FXR1: variants seen among roughly 807,000 people sequenced by gnomAD.
FXR1 encodes FMR1 autosomal homolog 1, also known as RNA-binding protein FXR1.
FXR1 carries 15 observed loss-of-function variants against 84.0 expected under a neutral mutation model. The observed-to-expected ratio is 0.18, with a 90% CI of 0.12 to 0.27. The LOEUF is 0.27. Among genes scored for constraint, FXR1 ranks in the 10% least tolerant of loss-of-function variants. FXR1 has a pLI of 1.00. For missense variants in FXR1, 480 were observed against 774.4 expected, an observed-to-expected ratio of 0.62 and a Z score of 4.51; for synonymous variants, 245 against 250.7, an observed-to-expected ratio of 0.98 and a Z score of 0.21.
intron 1 of FXR1, among the ~76,000 whole-genome samples, chr3:180,923,025 G>A (rs1248830487): frequency 6.6e-6 from 1 of 152,082 alleles, no homozygotes; most frequent in East Asian, 1.9e-4. Flanking sequence ...TCCTGGTTAA[G>A]ACAGTCTGTG....
intron 1 of FXR1, among the ~76,000 whole-genome samples, chr3:180,928,091 A>T (rs532792210): frequency 1.9e-4 from 27 of 143,784 alleles, no homozygotes; most frequent in African/African-American, 6.6e-4. Flanking sequence ...ATTGTTACTG[A>T]TTTTTTTTTG....
At chr3:180,915,001 T>C in intron 1 of FXR1, 1 of 824,696 alleles carries the variant, frequency 1.2e-6, no homozygotes, top group Non-Finnish European at 1.5e-6. Flanking sequence ...TCTAGGTCTG[T>C]ACTTCACCTT....
Position 180,977,650 on chromosome 3 carries a change from A to G in FXR1, c.*1358A>G, listed in dbSNP as rs2108501257. ...AGTACAGCTAATTGTGAGGTCAAGT[A>G]ATTGTTAGACATAGGGGAAGGCTTT... On this transcript the variant is annotated 3_prime_UTR_variant, in exon 17 of 17. Coordinates refer to ENST00000357559, the MANE Select transcript of FXR1 (RefSeq NM_005087.4). 1 of 152,268 alleles carries G rather than the reference A, an allele frequency of 6.6e-6. No homozygotes were observed. The highest frequency in any genetic ancestry group is 2.4e-5 in the African/African-American group (1 of 41,584). 9.4% of individuals were successfully genotyped at this position (152,268 alleles called of 1,614,324 possible).
chr3:180,935,113 TA>T, intron 2 of FXR1, 24 bp from the exon 3 acceptor site: 1 of 1,138,264 alleles, frequency 8.8e-7, no homozygotes, highest in East Asian at 2.3e-5. Context: ...TTTAAGTTGT[TA>T]ATACACCTTT....
At chr3:180,934,880 T>A (rs1223928798) in intron 2 of FXR1, among the ~76,000 whole-genome samples, 1 of 152,190 alleles carries the variant, frequency 6.6e-6, no homozygotes, top group Non-Finnish European at 1.5e-5. Flanking sequence ...TTTGGGAGAA[T>A]GTGTACTGCT....
chr3:180,942,341 G>A (rs1721217586), intron 3 of FXR1, among the ~76,000 whole-genome samples: 1 of 120,490 alleles, frequency 8.3e-6, no homozygotes, highest in South Asian at 2.8e-4. Flanking sequence ...TTGCGCCACT[G>A]CACTCCAGCC....
intron 11 of FXR1, among the ~76,000 whole-genome samples, chr3:180,962,256 A>C (rs1024098113): frequency 2.0e-5 from 3 of 151,906 alleles, no homozygotes; most frequent in African/African-American, 4.8e-5. Flanking sequence ...TTTTGAGATC[A>C]CTCTGATAAT....
chr3:180,978,793 G>A lies in FXR1; in HGVS notation c.*2501G>A, dbSNP rs939335747. Reference sequence around the variant, plus strand: ...GTGAATTCATATATGACACCTGAACGGAATCATGAAGTAACAGCTGAGATT... The same window carrying A: ...GTGAATTCATATATGACACCTGAACAGAATCATGAAGTAACAGCTGAGATT... On this transcript the variant is annotated 3_prime_UTR_variant, in exon 17 of 17. Transcript: ENST00000357559. The A allele has an allele frequency of 2.6e-5, 4 of 151,988 alleles. No individual in the cohort carries two copies. The highest frequency in any genetic ancestry group is 4.4e-5 in the Non-Finnish European group (3 of 67,954). 9.4% of individuals were successfully genotyped at this position (151,988 alleles called of 1,614,324 possible).
At chr3:180,926,491 TATATATATATATATA>T (rs935428979) in intron 1 of FXR1, among the ~76,000 whole-genome samples, 1 of 103,504 alleles carries the variant, frequency 9.7e-6, no homozygotes, top group Non-Finnish European at 1.8e-5. Context: ...TATATATATA[TATATATATATATATA>T]TTTTTTTTTC....
At chr3:180,926,297 G>T (rs1719169528) in intron 1 of FXR1, among the ~76,000 whole-genome samples, 1 of 151,946 alleles carries the variant, frequency 6.6e-6, no homozygotes, top group Non-Finnish European at 1.5e-5. Context: ...AAGCAGTAAT[G>T]TGCGTCTGAT....
In FXR1 at chr3:180,932,107, G is replaced by T. The variant is rs1469238968; in HGVS notation, c.52-1227G>T. On this transcript the variant is annotated intron_variant, in intron 1 of 16. Transcript: ENST00000357559. The stretch of plus-strand genomic sequence containing the variant: ...AAAAAAAAACAACTTTTTTGTTGTT[G>T]TAAGTTGCCTTTTCCCTTTATTCTC... Among the ~76,000 whole-genome samples, 81 of 75,622 alleles carry T rather than the reference G, an allele frequency of 1.1e-3. 2 individuals are homozygous for T. The highest frequency in any genetic ancestry group is 5.1e-4 in the East Asian group (1 of 1,964). 49.6% of individuals were successfully genotyped at this position (75,622 alleles called of 152,430 possible).
intron 1 of FXR1, among the ~76,000 whole-genome samples, chr3:180,928,972 G>C (rs897246329): frequency 6.6e-6 from 1 of 151,810 alleles, no homozygotes; most frequent in African/African-American, 2.4e-5. Flanking sequence ...GCCTAGGCTG[G>C]AGTGCAATGC....
At chr3:180,933,018 T>G in intron 1 of FXR1, 1 of 245,794 alleles carries the variant, frequency 4.1e-6, no homozygotes, top group Non-Finnish European at 7.7e-6. Context: ...GTCACAGTAG[T>G]AAATACTGAA....
chr3:180,970,171 A>T lies in FXR1; in HGVS notation c.1416A>T (p.Pro472=). The change falls in exon 15 of 17, where the codon CCA becomes CCT. Residue 472 remains proline, a synonymous_variant. Coordinates refer to ENST00000357559, the MANE Select transcript of FXR1 (RefSeq NM_005087.4). ...ACATGAATATAGTGCTCAAAGATCC[A>T]GACAGCAATCCATACAGCTTACTTG... ...KSSISSVLKD[P]DSNPYSLLDN... 1 of 1,594,404 alleles carries T rather than the reference A, an allele frequency of 6.3e-7. No homozygotes were observed. Among genetic ancestry groups the T allele is most frequent in the Non-Finnish European group, 8.6e-7 (1 of 1,162,366 alleles).
intron 13 of FXR1, among the ~76,000 whole-genome samples, chr3:180,964,756 A>G (rs903927250): frequency 1.3e-5 from 2 of 150,286 alleles, no homozygotes; most frequent in South Asian, 2.1e-4. Flanking sequence ...ATTTCCCAGT[A>G]TAACATCTCT....
At chr3:180,926,745 A>G (rs1719275443) in intron 1 of FXR1, among the ~76,000 whole-genome samples, 1 of 151,852 alleles carries the variant, frequency 6.6e-6, no homozygotes, top group Admixed American at 6.6e-5. Flanking sequence ...ACTCCTTTAT[A>G]AAGTTTGTTT....
chr3:180,940,831 C>T (rs1199508783), intron 3 of FXR1, among the ~76,000 whole-genome samples: 1 of 152,196 alleles, frequency 6.6e-6, no homozygotes, highest in African/African-American at 2.4e-5. Flanking sequence ...CCGCCTCGGC[C>T]TCCCAAAGTG....
intron 1 of FXR1, among the ~76,000 whole-genome samples, chr3:180,918,274 A>G (rs770838317): frequency 6.6e-6 from 1 of 152,014 alleles, no homozygotes; most frequent in Non-Finnish European, 1.5e-5. Context: ...TCTTTTCCCA[A>G]GAACTCTGTG....
Position 180,975,383 on chromosome 3 carries a change from GGCTAAAAACAAGAAAGAAATGGT to G in FXR1, c.1675_1695+2del. On this transcript the variant is annotated splice_donor_variant and coding_sequence_variant, in exon 16 of 17. Transcript: ENST00000357559. LOFTEE classifies it high-confidence loss of function. Reference sequence around the variant, plus strand: ...AAAGAAACCTCCCAAGGGAAACTTTGGCTAAAAACAAGAAAGAAATGGTAAGGAGAATTTAACCTGTAGGTTTT... The same window carrying G: ...AAAGAAACCTCCCAAGGGAAACTTTGAAGGAGAATTTAACCTGTAGGTTTT... 1 of 1,491,782 alleles carries G rather than the reference GGCTAAAAACAAGAAAGAAATGGT, an allele frequency of 6.7e-7. No individual in the cohort carries two copies. 92.4% of individuals were successfully genotyped at this position (1,491,782 alleles called of 1,614,324 possible). A position where few individuals can be genotyped will look rare whatever the true frequency, so the allele number is the denominator to read the frequency against.
Sources: gnomAD v4.1 joint callset for allele counts (sites outside exome capture counted in the v4.1 genomes callset) on GRCh38, gnomAD v4.1.1 for gene constraint, MANE v1.5 for transcripts, NCBI Gene and HGNC (gene_info 2026-07-23, HGNC 2026-07-21) for gene names.